BRINP3: variants seen among roughly 807,000 people sequenced by gnomAD.
The protein encoded by BRINP3 is BMP/retinoic acid inducible neural specific 3.
In BRINP3, 19 loss-of-function variants were observed where a neutral mutation model predicts 71.0. That is an observed-to-expected ratio of 0.27 (90% CI 0.19 to 0.39). The LOEUF (loss-of-function observed/expected upper bound fraction) is 0.39. BRINP3 is among the 10% of genes least tolerant of loss of function. BRINP3 has a pLI of 1.00. For synonymous variants in BRINP3, 380 were observed against 337.7 expected (o/e 1.13, Z -1.37); for missense variants, 959 against 940.8 (o/e 1.02, Z -0.25).
intron 7 of BRINP3, among the ~76,000 whole-genome samples, chr1:190,141,532 TTC>T (rs1194581183): frequency 6.6e-6 from 1 of 150,666 alleles, no homozygotes; most frequent in African/African-American, 2.4e-5. Flanking sequence ...TTTTCTTTCT[TTC>T]TCTCTCTCTT....
intron 7 of BRINP3, among the ~76,000 whole-genome samples, chr1:190,099,590 T>A (rs908090778): frequency 6.6e-6 from 1 of 152,178 alleles, no homozygotes. Flanking sequence ...TCATTTACTC[T>A]TAGCTTTATA....
At chr1:190,328,736 A>T (rs1558186053) in intron 2 of BRINP3, among the ~76,000 whole-genome samples, 1 of 151,710 alleles carries the variant, frequency 6.6e-6, no homozygotes, top group Non-Finnish European at 1.5e-5. Flanking sequence ...AAAAAAAAAA[A>T]ATACAGGCCA....
chr1:190,434,281 T>G (rs1000850465), intron 2 of BRINP3, among the ~76,000 whole-genome samples: 1 of 151,960 alleles, frequency 6.6e-6, no homozygotes, highest in African/African-American at 2.4e-5. Flanking sequence ...GGCTAATTTT[T>G]GTATTTTTAA....
chr1:190,331,400 T>A (rs565622731), intron 2 of BRINP3, among the ~76,000 whole-genome samples: 1 of 152,114 alleles, frequency 6.6e-6, no homozygotes, highest in East Asian at 1.9e-4. Flanking sequence ...ACACACCATA[T>A]TTAGTCCATT....
At chr1:190,314,863 T>C (rs566460678) in intron 2 of BRINP3, among the ~76,000 whole-genome samples, 1 of 152,250 alleles carries the variant, frequency 6.6e-6, no homozygotes, top group African/African-American at 2.4e-5. Flanking sequence ...AGGAAACATA[T>C]GTGCAAGACC....
intron 7 of BRINP3, among the ~76,000 whole-genome samples, chr1:190,133,077 G>T (rs1164587329): frequency 1.3e-5 from 2 of 152,016 alleles, no homozygotes; most frequent in African/African-American, 4.8e-5. Flanking sequence ...GAGAGATCCT[G>T]AGTGAGAATA....
intron 2 of BRINP3, among the ~76,000 whole-genome samples, chr1:190,407,026 T>C (rs1672326182): frequency 6.6e-6 from 1 of 152,188 alleles, no homozygotes; most frequent in African/African-American, 2.4e-5. Context: ...CCAGTTCATC[T>C]AAAAGTGTAT....
chr1:190,134,517 A>G (rs748340132), intron 7 of BRINP3, among the ~76,000 whole-genome samples: 8 of 152,282 alleles, frequency 5.3e-5, no homozygotes, highest in African/African-American at 1.9e-4. Flanking sequence ...GTGAAATGAC[A>G]AAGACTAGTT....
intron 7 of BRINP3, among the ~76,000 whole-genome samples, chr1:190,112,999 G>T (rs1042407143): frequency 1.3e-5 from 2 of 152,014 alleles, no homozygotes; most frequent in African/African-American, 4.8e-5. Context: ...AAACTGTGGG[G>T]GGTGAATGTA....
intron 2 of BRINP3, among the ~76,000 whole-genome samples, chr1:190,387,718 A>C (rs1255904257): frequency 1.3e-5 from 2 of 151,802 alleles, no homozygotes; most frequent in African/African-American, 4.8e-5. Flanking sequence ...GAAGTGTAGC[A>C]ATGCTCAGTC....
chr1:190,166,031 T>C, intron 6 of BRINP3, among the ~76,000 whole-genome samples: 1 of 152,216 alleles, frequency 6.6e-6, no homozygotes, highest in East Asian at 1.9e-4. Flanking sequence ...CAATGATTTG[T>C]ATTGGTTTTG....
chr1:190,346,240 G>A (rs1166142300), intron 2 of BRINP3, among the ~76,000 whole-genome samples: 1 of 151,912 alleles, frequency 6.6e-6, no homozygotes, highest in Admixed American at 6.6e-5. Context: ...AGAGGTAAGA[G>A]GATATTGCCA....
intron 7 of BRINP3, among the ~76,000 whole-genome samples, chr1:190,146,177 C>T (rs1247109104): frequency 1.3e-5 from 2 of 152,050 alleles, no homozygotes; most frequent in African/African-American, 4.8e-5. Flanking sequence ...TAACCAGAAA[C>T]CACCTGTACC....
intron 6 of BRINP3, among the ~76,000 whole-genome samples, chr1:190,202,359 C>A (rs1655080514): frequency 6.6e-6 from 1 of 152,102 alleles, no homozygotes; most frequent in South Asian, 2.1e-4. Context: ...TAGGAAATAA[C>A]TAACTTGCTT....
intron 2 of BRINP3, among the ~76,000 whole-genome samples, chr1:190,321,541 T>A (rs1666245477): frequency 1.3e-5 from 2 of 152,092 alleles, no homozygotes; most frequent in Non-Finnish European, 2.9e-5. Flanking sequence ...AATAAATGTT[T>A]TATTAAGTAA....
chr1:190,264,846 AG>A lies in BRINP3; in HGVS notation c.618+18del, dbSNP rs755481544. The A allele has an allele frequency of 3.7e-6, 6 of 1,605,544 alleles. No individual in the cohort carries two copies. The African/African-American group carries it at 8.0e-5, about 22-fold the overall frequency. On this transcript the variant is annotated intron_variant, in intron 4 of 7. Coordinates refer to ENST00000367462, the MANE Select transcript of BRINP3 (RefSeq NM_199051.3). ...ACAAACAATGGAAGGTGATAATTTTAGCGTAAACTCATTCTTACCTTTATGG... is the reference window on the plus strand; with the variant it reads ...ACAAACAATGGAAGGTGATAATTTTACGTAAACTCATTCTTACCTTTATGG...
At chr1:190,207,139 C>A (rs1371999423) in intron 6 of BRINP3, among the ~76,000 whole-genome samples, 1 of 151,878 alleles carries the variant, frequency 6.6e-6, no homozygotes, top group Non-Finnish European at 1.5e-5. Context: ...ATTAAATAAT[C>A]AATACTAAAT....
At position 190,371,772 on chromosome 1, in the gene BRINP3, G is replaced by A. The variant is rs57686619; in HGVS notation, c.236+82883C>T. 7.1e-3 allele frequency among the ~76,000 whole-genome samples: 1,086 copies of A among 152,228 alleles called. 17 individuals are homozygous for A. Among genetic ancestry groups the A allele is most frequent in the African/African-American group, 0.024 (1,013 of 41,520 alleles). On this transcript the variant is annotated intron_variant, in intron 2 of 7. Coordinates refer to ENST00000367462, the MANE Select transcript of BRINP3 (RefSeq NM_199051.3). ...AATCATGTTGAGTAGTATGGATATT[G>A]TTAAATTTAACGATATCAATTATTT...
intron 2 of BRINP3, among the ~76,000 whole-genome samples, chr1:190,412,564 G>A (rs1390368210): frequency 1.4e-5 from 2 of 146,584 alleles, no homozygotes; most frequent in East Asian, 2.0e-4. Flanking sequence ...CCGGGTTCAC[G>A]CCATTCTCCT....
Sources: allele counts gnomAD v4.1 joint callset (sites outside exome capture counted in the v4.1 genomes callset), GRCh38; gene constraint gnomAD v4.1.1; transcripts MANE v1.5; gene names NCBI Gene and HGNC (gene_info 2026-07-23, HGNC 2026-07-21).